Variants in PDE4D observed in about 807,000 individuals in gnomAD.
The protein encoded by PDE4D is phosphodiesterase 4D.
PDE4D carries 24 observed loss-of-function variants against 87.4 expected under a neutral mutation model. The ratio of observed to expected loss-of-function variants is 0.27; its 90% confidence interval spans 0.20 to 0.39. The LOEUF (loss-of-function observed/expected upper bound fraction) is 0.39, where lower values mean the gene tolerates loss of function less well. Among genes scored for constraint, PDE4D ranks in the 10% least tolerant of loss-of-function variants. PDE4D has a pLI of 1.00. For synonymous variants in PDE4D, 384 were observed against 383.2 expected (o/e 1.00, Z -0.02); for missense variants, 714 against 1,041.0 (o/e 0.69, Z 4.32).
chr5:59,850,553 C>A (rs932326172), intron 1 of PDE4D, among the ~76,000 whole-genome samples: 1 of 151,954 alleles, frequency 6.6e-6, no homozygotes, highest in Non-Finnish European at 1.5e-5. Flanking sequence ...GGCATAGAGA[C>A]GTGAAATTGC....
intron 1 of PDE4D, among the ~76,000 whole-genome samples, chr5:60,205,866 A>C (rs1246898814): frequency 6.6e-6 from 1 of 152,200 alleles, no homozygotes; most frequent in Non-Finnish European, 1.5e-5. Flanking sequence ...CAACCTGGGC[A>C]GCAAATTGAG....
intron 2 of PDE4D, among the ~76,000 whole-genome samples, chr5:60,086,106 A>G (rs1452760581): frequency 6.6e-6 from 1 of 152,200 alleles, no homozygotes; most frequent in Non-Finnish European, 1.5e-5. Context: ...AATACCACAC[A>G]CTGAATTAAT....
chr5:59,554,359 A>G (rs76634826), intron 1 of PDE4D, among the ~76,000 whole-genome samples: 2 of 152,000 alleles, frequency 1.3e-5, no homozygotes, highest in African/African-American at 4.8e-5. Context: ...ATCCCCCTCC[A>G]TTTTTTAGGG....
At chr5:60,107,236 G>T (rs1049696346) in intron 2 of PDE4D, among the ~76,000 whole-genome samples, 2 of 152,098 alleles carry the variant, frequency 1.3e-5, no homozygotes, top group African/African-American at 4.8e-5. Context: ...AAACCTCTAC[G>T]CAAATAAACT....
intron 8 of PDE4D, 135 bp from the exon 9 acceptor site, chr5:58,991,037 T>G: frequency 1.7e-6 from 1 of 599,282 alleles, no homozygotes; most frequent in Non-Finnish European, 2.9e-6. Context: ...TCCCAGAACT[T>G]TGGGAGGCTG....
chr5:59,316,227 A>G (rs573480170), intron 1 of PDE4D, among the ~76,000 whole-genome samples: 2 of 152,296 alleles, frequency 1.3e-5, no homozygotes, highest in South Asian at 4.1e-4. Flanking sequence ...TGCCAGTCTG[A>G]GTTTGGAATT....
chr5:60,456,160 C>T (rs1204886570), intron 1 of PDE4D, among the ~76,000 whole-genome samples: 1 of 152,084 alleles, frequency 6.6e-6, no homozygotes, highest in Admixed American at 6.6e-5. Context: ...CCACGTAGGC[C>T]CTGGAAGTCA....
At chr5:59,856,385 A>G (rs1745440486) in intron 1 of PDE4D, among the ~76,000 whole-genome samples, 1 of 144,926 alleles carries the variant, frequency 6.9e-6, no homozygotes, top group Non-Finnish European at 1.5e-5. Flanking sequence ...ACTAATCTAT[A>G]AAAAATTATT....
chr5:60,447,151 G>A (rs978885035), intron 1 of PDE4D, among the ~76,000 whole-genome samples: 1 of 152,146 alleles, frequency 6.6e-6, no homozygotes, highest in Non-Finnish European at 1.5e-5. Context: ...AGTTTGTATG[G>A]AGCAGGGCAA....
rs1220269223 is a variant in PDE4D, at chr5:58,971,812, G to A, written c.*2852C>T. On this transcript the variant is annotated 3_prime_UTR_variant, in exon 15 of 15. Transcript: ENST00000340635. ...CATTTTAGGAAATGTAAAGCCACTT[G>A]TAAAAGGATATTCTTTTATTCTTTT... 1 of 152,524 alleles carries A rather than the reference G, an allele frequency of 6.6e-6. No individual in the cohort carries two copies. Among genetic ancestry groups the A allele is most frequent in the Non-Finnish European group, 1.5e-5 (1 of 67,994 alleles). 9.4% of individuals were successfully genotyped at this position (152,524 alleles called of 1,614,324 possible). A position where few individuals can be genotyped will look rare whatever the true frequency, so the allele number is the denominator to read the frequency against.
intron 1 of PDE4D, among the ~76,000 whole-genome samples, chr5:59,298,143 G>A (rs1354097666): frequency 2.9e-5 from 4 of 138,806 alleles, no homozygotes; most frequent in African/African-American, 1.1e-4. Context: ...TTGAGACAGA[G>A]TGTCACTCTG....
At chr5:59,483,130 C>T (rs1464456573) in intron 1 of PDE4D, among the ~76,000 whole-genome samples, 1 of 152,132 alleles carries the variant, frequency 6.6e-6, no homozygotes, top group African/African-American at 2.4e-5. Flanking sequence ...TGAACTGAAA[C>T]ATTTGCTCCT....
chr5:59,183,755 G>A, intron 4 of PDE4D, among the ~76,000 whole-genome samples: 1 of 152,204 alleles, frequency 6.6e-6, no homozygotes, highest in East Asian at 1.9e-4. Context: ...GTAATGAACA[G>A]GTACCTCAAA....
At chr5:60,185,922 C>T (rs543041961) in intron 1 of PDE4D, among the ~76,000 whole-genome samples, 1 of 137,308 alleles carries the variant, frequency 7.3e-6, no homozygotes, top group South Asian at 2.4e-4. Context: ...TTCAACTCTA[C>T]AGTTTTAGTG....
At chr5:59,552,644 G>T (rs1244315446) in intron 1 of PDE4D, among the ~76,000 whole-genome samples, 1 of 152,052 alleles carries the variant, frequency 6.6e-6, no homozygotes, top group Non-Finnish European at 1.5e-5. Flanking sequence ...AACAACAAAT[G>T]GATATTAAGT....
At chr5:59,390,401 C>A (rs1026908777) in intron 1 of PDE4D, among the ~76,000 whole-genome samples, 2 of 152,048 alleles carry the variant, frequency 1.3e-5, no homozygotes, top group Non-Finnish European at 2.9e-5. Flanking sequence ...CAATGCATGA[C>A]AAAGTATATG....
intron 1 of PDE4D, among the ~76,000 whole-genome samples, chr5:59,508,686 A>T (rs1352522524): frequency 6.6e-6 from 1 of 152,120 alleles, no homozygotes; most frequent in Non-Finnish European, 1.5e-5. Context: ...CTGTTTAAAG[A>T]AATGATAAAA....
chr5:59,289,163 AAGATAT>A (rs1257121479), intron 1 of PDE4D, among the ~76,000 whole-genome samples: 1 of 152,112 alleles, frequency 6.6e-6, no homozygotes, highest in African/African-American at 2.4e-5. Flanking sequence ...ACAATACAAT[AAGATAT>A]AAAGACAACA....
intron 1 of PDE4D, among the ~76,000 whole-genome samples, chr5:59,798,300 G>A (rs1766736287): frequency 6.7e-6 from 1 of 149,864 alleles, no homozygotes; most frequent in Admixed American, 6.7e-5. Flanking sequence ...GTGTGTGTTT[G>A]TGTGTATGAG....
Sources: allele counts gnomAD v4.1 joint callset (sites outside exome capture counted in the v4.1 genomes callset), GRCh38; gene constraint gnomAD v4.1.1; transcripts MANE v1.5; gene names NCBI Gene and HGNC (gene_info 2026-07-23, HGNC 2026-07-21).